Variants in ABCA1 observed in about 807,000 individuals in gnomAD.
ABCA1 encodes the protein phospholipid-transporting ATPase ABCA1.
A neutral mutation model predicts 262.5 loss-of-function variants in ABCA1; 133 were observed. That is an observed-to-expected ratio of 0.51 (90% CI 0.44 to 0.59). The LOEUF is 0.59. Among genes scored for constraint, ABCA1 ranks in the 20% least tolerant of loss-of-function variants. The pLI is 0.00. For missense variants in ABCA1, 2,452 were observed against 2,777.5 expected (o/e 0.88, Z 2.63); for synonymous variants, 1,022 against 1,043.5 (o/e 0.98, Z 0.40).
intron 34 of ABCA1, 23 bp downstream of exon 34, chr9:104,802,030 TA>T: frequency 1.2e-6 from 2 of 1,609,386 alleles, no homozygotes; most frequent in Non-Finnish European, 1.7e-6. Flanking sequence ...ATTTTTCTGA[TA>T]CATCTTACGA....
At chr9:104,805,930 C>T (rs1329643515) in intron 31 of ABCA1, among the ~76,000 whole-genome samples, 1 of 152,130 alleles carries the variant, frequency 6.6e-6, no homozygotes, top group Admixed American at 6.6e-5. Context: ...CACGGCGAAA[C>T]CCTATCTCTA....
intron 13 of ABCA1, 106 bp downstream of exon 13, chr9:104,831,516 G>A: frequency 1.0e-6 from 1 of 981,852 alleles, no homozygotes; most frequent in Non-Finnish European, 1.5e-6. Flanking sequence ...TGTTGTTGTT[G>A]AAATTTCTAC....
At chr9:104,871,361 C>G (rs893299634) in intron 5 of ABCA1, among the ~76,000 whole-genome samples, 1 of 152,132 alleles carries the variant, frequency 6.6e-6, no homozygotes, top group Non-Finnish European at 1.5e-5. Flanking sequence ...TAAGACAATA[C>G]CCATGTCTTA....
chr9:104,801,134 A>G (rs1456645960), intron 34 of ABCA1, among the ~76,000 whole-genome samples: 1 of 125,230 alleles, frequency 8.0e-6, no homozygotes, highest in Non-Finnish European at 1.7e-5. Context: ...AAAAAGATTC[A>G]TTTCCTATTT....
chr9:104,907,852 A>G (rs1198183886), intron 1 of ABCA1, among the ~76,000 whole-genome samples: 4 of 152,224 alleles, frequency 2.6e-5, no homozygotes, highest in Non-Finnish European at 5.9e-5. Flanking sequence ...GGGTCTCATC[A>G]GTCACCCAAG....
intron 29 of ABCA1, 28 bp downstream of exon 29, chr9:104,810,772 C>T (rs368312155): frequency 2.4e-5 from 39 of 1,614,030 alleles, no homozygotes; most frequent in Non-Finnish European, 3.2e-5. Context: ...AATCTTACCC[C>T]CTCCTGGGAT....
chr9:104,841,157 C>T (rs1000202619), intron 8 of ABCA1, among the ~76,000 whole-genome samples: 7 of 152,164 alleles, frequency 4.6e-5, no homozygotes, highest in East Asian at 1.9e-4. Flanking sequence ...GAGTCTGGGC[C>T]GGGTGCAGTG....
At chr9:104,886,509 A>G (rs1307193785) in intron 3 of ABCA1, among the ~76,000 whole-genome samples, 3 of 152,200 alleles carry the variant, frequency 2.0e-5, no homozygotes, top group Admixed American at 2.0e-4. Flanking sequence ...CCCTTGCCTA[A>G]GTCAGCTGCT....
At chr9:104,881,820 G>C (rs529305697) in intron 5 of ABCA1, among the ~76,000 whole-genome samples, 2 of 152,058 alleles carry the variant, frequency 1.3e-5, no homozygotes, top group South Asian at 4.2e-4. Context: ...ACCAGGACCT[G>C]CAGGTCAAGG....
rs754351863 is a variant in ABCA1, at chr9:104,840,312, C to T, written c.1021G>A (p.Glu341Lys). ...KALFGGNGTE[E>K]DAETFYDNST... is the part of the protein sequence containing the mutation. ...TTGTCATAGAAGGTTTCAGCATCTT[C>T]CTCAGTGCCATTGCCTCCAAAGAGG... Residue 341 changes from glutamate to lysine, a missense_variant, in exon 9 of 50, where the codon GAA (glutamate) becomes AAA (lysine). Around this residue, in one of 4 missense-constraint regions of ABCA1, gnomAD observed 1,032 missense variants for 1,089.7 expected, o/e 0.95. Coordinates refer to ENST00000374736, the MANE Select transcript of ABCA1 (RefSeq NM_005502.4). The T allele has an allele frequency of 6.8e-6, 11 of 1,614,190 alleles. No homozygotes were observed. The South Asian group carries it at 1.1e-4, about 16-fold the overall frequency.
Position 104,853,050 on chromosome 9 carries a change from G to A in ABCA1, c.720+5472C>T, listed in dbSNP as rs568300687. 4.6e-5 allele frequency among the ~76,000 whole-genome samples: 7 copies of A among 152,074 alleles called. 1 individual carries two copies. The highest frequency in any genetic ancestry group is 1.0e-4 in the Non-Finnish European group (7 of 68,000). On this transcript the variant is annotated intron_variant, in intron 7 of 49. Transcript: ENST00000374736. ...TCACTCCTTATCCATCTGCTTCTTC[G>A]ATCTGTACACAGCTCAGCTGTGACA... is the stretch of plus-strand genomic sequence containing the variant.
At chr9:104,808,331 A>G (rs1399087633) in intron 30 of ABCA1, among the ~76,000 whole-genome samples, 1 of 152,120 alleles carries the variant, frequency 6.6e-6, no homozygotes, top group Non-Finnish European at 1.5e-5. Flanking sequence ...GCATCAATCC[A>G]TGAGTTCATA....
Position 104,914,932 on chromosome 9 carries a change from G to A in ABCA1, c.-92-11161C>T, listed in dbSNP as rs539989463. Reference sequence around the variant, plus strand: ...TCATTAACTTCATGTGAGCTAGAGAGAATCTGTGATTGAGGCTCTAGAACC... The same window carrying A: ...TCATTAACTTCATGTGAGCTAGAGAAAATCTGTGATTGAGGCTCTAGAACC... On this transcript the variant is annotated intron_variant, in intron 1 of 49. Coordinates refer to ENST00000374736, the MANE Select transcript of ABCA1 (RefSeq NM_005502.4). Among the ~76,000 whole-genome samples, 24 of 152,256 alleles carry A rather than the reference G, an allele frequency of 1.6e-4. No homozygotes were observed. The South Asian group carries it at 4.8e-3, about 30-fold the overall frequency.
chr9:104,816,458 T>G, intron 24 of ABCA1, 113 bp from the exon 25 acceptor site: 5 of 966,272 alleles, frequency 5.2e-6, no homozygotes, highest in South Asian at 1.3e-5. Context: ...ACCACACCTG[T>G]TCCAGGTGTT....
intron 5 of ABCA1, among the ~76,000 whole-genome samples, chr9:104,874,753 C>G (rs1454245130): frequency 1.4e-5 from 2 of 146,266 alleles, no homozygotes; most frequent in Admixed American, 1.4e-4. Flanking sequence ...GCAGGGCAGC[C>G]AGCCGCCCCG....
Position 104,810,842 on chromosome 9 carries a change from T to C in ABCA1, c.4133A>G (p.Glu1378Gly). The C allele has an allele frequency of 1.2e-6, 2 of 1,614,196 alleles. No homozygotes were observed. Among genetic ancestry groups the C allele is most frequent in the Non-Finnish European group, 1.7e-6 (2 of 1,180,036 alleles). The change falls in exon 29 of 50, where the codon GAA (glutamate) becomes GGA (glycine). Residue 1378 changes from glutamate (E) to glycine (G), a missense_variant. Around this residue, in one of 4 missense-constraint regions of ABCA1, gnomAD observed 665 missense variants for 727.3 expected, o/e 0.91. Coordinates refer to ENST00000374736, the MANE Select transcript of ABCA1 (RefSeq NM_005502.4). ...TTCGTTGTACATCCAGGGCTGAAGTTCCAGGCTGGGGTACTTGCCAAAGGG... is the reference window on the plus strand; with the variant it reads ...TTCGTTGTACATCCAGGGCTGAAGTCCCAGGCTGGGGTACTTGCCAAAGGG... ...VPPFGKYPSL[E>G]LQPWMYNEQY...
intron 1 of ABCA1, among the ~76,000 whole-genome samples, chr9:104,909,279 G>C (rs546191190): frequency 6.6e-4 from 100 of 152,292 alleles, no homozygotes; most frequent in Non-Finnish European, 1.3e-3. Context: ...GTGAACAACA[G>C]AAGCAAAGTT....
At chr9:104,832,489 C>T in intron 12 of ABCA1, 85 bp downstream of exon 12, 1 of 1,449,130 alleles carries the variant, frequency 6.9e-7, no homozygotes. Flanking sequence ...TATTTCTAAA[C>T]TTGCCTCCTG....
intron 31 of ABCA1, 149 bp from the exon 32 acceptor site, chr9:104,804,869 G>T: frequency 1.4e-6 from 1 of 738,628 alleles, no homozygotes; most frequent in Admixed American, 1.9e-5. Context: ...CCAGCACTGA[G>T]ACTTGGTTCA....
Sources: gnomAD v4.1 joint callset for allele counts (sites outside exome capture counted in the v4.1 genomes callset) on GRCh38, gnomAD v4.1.1 for gene constraint, gnomAD v4.1.1 regional missense constraint, MANE v1.5 for transcripts, NCBI Gene and HGNC (gene_info 2026-07-23, HGNC 2026-07-21) for gene names.